The following TRIM32 variants were observed in gnomAD, a reference collection of about 807,000 sequenced individuals.
TRIM32 encodes tripartite motif containing 32.
TRIM32 carries 19 observed loss-of-function variants against 36.0 expected under a neutral mutation model. That is an observed-to-expected ratio of 0.53 (90% confidence interval 0.37 to 0.77). TRIM32 has a LOEUF of 0.77. Ranked by LOEUF, TRIM32 falls within the 30% of genes least tolerant of loss-of-function variation. The probability of loss-of-function intolerance (pLI) is 0.00; values close to 1 mark genes in which losing one functional copy is unlikely to be tolerated. For missense variants in TRIM32, 747 were observed against 845.2 expected (o/e 0.88, Z 1.44); for synonymous variants, 309 against 318.5 (o/e 0.97, Z 0.32).
intron 1 of TRIM32, 24 bp from the exon 2 acceptor site, chr9:116,697,638 A>G: frequency 2.1e-6 from 3 of 1,427,002 alleles, no homozygotes; most frequent in Non-Finnish European, 2.9e-6. Flanking sequence ...AGGAAAATGA[A>G]TAATGGTTTC....
At position 116,689,485 on chromosome 9, in the gene TRIM32, C is replaced by T. The variant is rs575937203; in HGVS notation, c.-82+2104C>T. On this transcript the variant is annotated intron_variant, in intron 1 of 1. Transcript: ENST00000450136. Reference sequence around the variant, plus strand: ...CCTTCTAAGTAGGCTCTACTGTATTCAGTTTTACACATGAGGAAACTAAGG... The same window carrying T: ...CCTTCTAAGTAGGCTCTACTGTATTTAGTTTTACACATGAGGAAACTAAGG... Among the ~76,000 whole-genome samples, 8 of 152,246 alleles carry T rather than the reference C, an allele frequency of 5.3e-5. No homozygotes were observed. In the East Asian group the frequency reaches 1.5e-3, roughly 29 times the overall value.
chr9:116,697,075 T>G (rs909756166), intron 1 of TRIM32, among the ~76,000 whole-genome samples: 1 of 152,162 alleles, frequency 6.6e-6, no homozygotes, highest in Admixed American at 6.5e-5. Context: ...TTGGGAAGCC[T>G]TCCCCAAGTC....
chr9:116,699,677 C>CCAT lies in TRIM32; in HGVS notation c.1937_1939dup (p.His646dup). Reference sequence around the variant, plus strand: ...ATCATTGCATCAAGATCTACAGCTACCATCTGAGAAGATATTCCACCCCAT... The same window carrying CCAT: ...ATCATTGCATCAAGATCTACAGCTACCATCATCTGAGAAGATATTCCACCCCAT... On this transcript the variant is annotated inframe_insertion, in exon 2 of 2. Coordinates refer to ENST00000450136, the MANE Select transcript of TRIM32 (RefSeq NM_012210.4). This position sits in a 1 kb window ranked among gnomAD's most constrained non-coding sequence, Gnocchi z 4.2. The CCAT allele has an allele frequency of 6.2e-7, 1 of 1,614,164 alleles. No individual in the cohort carries two copies. Among genetic ancestry groups the CCAT allele is most frequent in the Non-Finnish European group, 8.5e-7 (1 of 1,180,038 alleles).
rs1564217757 is a variant in TRIM32 at position 116,699,154 on chromosome 9, A to G, written c.1412A>G (p.Lys471Arg). ...CVACHRSQLS[K>R]PWGITALPSG... ...GCCTGTCACAGGAGCCAGCTGAGCAAACCATGGGGTATCACAGCCTTGCCA... is the reference window on the plus strand; with the variant it reads ...GCCTGTCACAGGAGCCAGCTGAGCAGACCATGGGGTATCACAGCCTTGCCA... The change falls in exon 2 of 2, where the codon AAA (lysine) becomes AGA (arginine). Residue 471 changes from lysine (K) to arginine (R), a missense_variant. Transcript: ENST00000450136. This position sits in a 1 kb window ranked among gnomAD's most constrained non-coding sequence, Gnocchi z 4.2. 6.2e-7 allele frequency: 1 copy of G among 1,614,262 alleles called. No individual in the cohort carries two copies. The highest frequency in any genetic ancestry group is 2.2e-5 in the East Asian group (1 of 44,880).
At position 116,698,295 on chromosome 9, in the gene TRIM32, C is replaced by T; in HGVS notation, c.553C>T (p.Leu185Phe). ...CCTTCAGGCAAGGTATAAAGCAGTTCTCCAGGAGTATGGGCATGAGGAGCG... is the reference window on the plus strand; with the variant it reads ...CCTTCAGGCAAGGTATAAAGCAGTTTTCCAGGAGTATGGGCATGAGGAGCG... ...KDLQARYKAV[L>F]QEYGHEERRV... is the part of the protein sequence containing the mutation. Residue 185 changes from leucine to phenylalanine, a missense_variant, in exon 2 of 2, where the codon CTC becomes TTC. Leu to Phe is a conservative substitution (Grantham distance 22, BLOSUM62 0). Coordinates refer to ENST00000450136, the MANE Select transcript of TRIM32 (RefSeq NM_012210.4). The surrounding 1 kb of genome is among the most constrained non-coding windows in gnomAD (Gnocchi z 4.4). The T allele has an allele frequency of 1.2e-6, 2 of 1,614,156 alleles. No homozygotes were observed. The highest frequency in any genetic ancestry group is 1.7e-6 in the Non-Finnish European group (2 of 1,180,034).
Position 116,699,292 on chromosome 9 carries a change from A to G in TRIM32, c.1550A>G (p.Lys517Arg). The G allele has an allele frequency of 6.2e-7, 1 of 1,614,190 alleles. No individual in the cohort carries two copies. The change falls in exon 2 of 2, where the codon AAA (lysine) becomes AGA (arginine). Residue 517 changes from lysine to arginine, a missense_variant. Transcript: ENST00000450136. The surrounding 1 kb of genome is among the most constrained non-coding windows in gnomAD (Gnocchi z 4.2). Reference sequence around the variant, plus strand: ...TGCCTATGTAGTGCTGTGCGGCCCAAATTTGTCACCTGTGATGCTGAGGGC... The same window carrying G: ...TGCCTATGTAGTGCTGTGCGGCCCAGATTTGTCACCTGTGATGCTGAGGGC... ...YSCLCSAVRP[K>R]FVTCDAEGTV...
rs140589523 is a variant in TRIM32, at chr9:116,698,018, C to T, written c.276C>T (p.Ser92=). 592 of 1,614,062 alleles carry T rather than the reference C, an allele frequency of 3.7e-4. 1 individual carries two copies. The highest frequency in any genetic ancestry group is 1.1e-3 in the African/African-American group (80 of 75,050). Residue 92 remains serine (S), a synonymous_variant, in exon 2 of 2, where the codon AGC becomes AGT. Transcript: ENST00000450136. This position sits in a 1 kb window ranked among gnomAD's most constrained non-coding sequence, Gnocchi z 4.4. ...AGATCATTGATACAGCTGGGCTCAG[C>T]GAGGCTGTGGGGCTGCTCATGTGTC... The part of the protein sequence containing the change: ...VLKIIDTAGL[S]EAVGLLMCRS...
rs1052879389 is a variant in TRIM32 at position 116,696,963 on chromosome 9, A to G, written c.-81-699A>G. On this transcript the variant is annotated intron_variant, in intron 1 of 1. Coordinates refer to ENST00000450136, the MANE Select transcript of TRIM32 (RefSeq NM_012210.4). Reference sequence around the variant, plus strand: ...CTGTGACATGATTAAAAAAAAAAAAAAAAGCCTCCACACTTTTGCTTACAT... The same window carrying G: ...CTGTGACATGATTAAAAAAAAAAAAGAAAGCCTCCACACTTTTGCTTACAT... Among the ~76,000 whole-genome samples the G allele has an allele frequency of 4.6e-5, 7 of 151,760 alleles. No individual in the cohort carries two copies. The East Asian group carries it at 1.4e-3, about 29-fold the overall frequency.
chr9:116,687,395 A>T lies in TRIM32; in HGVS notation c.-82+14A>T. The T allele has an allele frequency of 5.9e-5, 8 of 135,210 alleles. No homozygotes were observed. The highest frequency in any genetic ancestry group is 1.0e-4 in the Non-Finnish European group (7 of 68,590). The allele number at this position is 135,210 out of a possible 1,614,324, so 8.4% of individuals were successfully genotyped here. On this transcript the variant is annotated intron_variant, in intron 1 of 1. Coordinates refer to ENST00000450136, the MANE Select transcript of TRIM32 (RefSeq NM_012210.4). ...GCGGGCGGTCAGGTAGGGGGCGGGA[A>T]GGAGGGTTGGGGACTGGGGACCGCG...
In TRIM32 at chr9:116,697,763, T is replaced by A; in HGVS notation, c.21T>A (p.Ser7=). 6.2e-7 allele frequency: 1 copy of A among 1,614,116 alleles called. No homozygotes were observed. Among genetic ancestry groups the A allele is most frequent in the Non-Finnish European group, 8.5e-7 (1 of 1,180,038 alleles). The part of the protein sequence containing the change: MAAAAA[S]HLNLDALREV... ...GAGCAATGGCTGCAGCAGCAGCTTC[T>A]CACCTGAACCTGGATGCCCTCCGGG... Residue 7 remains serine (S), a synonymous_variant, in exon 2 of 2, where the codon TCT becomes TCA. Coordinates refer to ENST00000450136, the MANE Select transcript of TRIM32 (RefSeq NM_012210.4).
chr9:116,694,390 T>C (rs914271446), intron 1 of TRIM32, among the ~76,000 whole-genome samples: 1 of 151,480 alleles, frequency 6.6e-6, no homozygotes, highest in African/African-American at 2.4e-5. Context: ...TCCCAGATGA[T>C]AGAAGAGAGA....
chr9:116,691,465 T>C (rs1646633364), intron 1 of TRIM32, among the ~76,000 whole-genome samples: 1 of 152,182 alleles, frequency 6.6e-6, no homozygotes, highest in Non-Finnish European at 1.5e-5. Context: ...GGCAAGCATG[T>C]TTTCCAGGAA....
rs768741902 is a variant in TRIM32, at chr9:116,699,510, A to G, written c.1768A>G (p.Ile590Val). The part of the protein sequence containing the change: ...GMCVDARGDL[I>V]VADSSRKEIL... ...GTGTGTGGATGCTCGTGGTGATCTC[A>G]TCGTGGCTGACAGTAGTCGCAAGGA... Residue 590 changes from isoleucine (I) to valine (V), a missense_variant, in exon 2 of 2, where the codon ATC (isoleucine) becomes GTC (valine). Transcript: ENST00000450136. This position sits in a 1 kb window ranked among gnomAD's most constrained non-coding sequence, Gnocchi z 4.2. 1.9e-6 allele frequency: 3 copies of G among 1,613,322 alleles called. No homozygotes were observed. Among genetic ancestry groups the G allele is most frequent in the Non-Finnish European group, 2.5e-6 (3 of 1,179,398 alleles).
rs1397327162 is a variant in TRIM32, at chr9:116,699,566, T to C, written c.1824T>C (p.Tyr608=). The part of the protein sequence containing the change: ...EILHFPKGGG[Y]SVLIREGLTC... Reference sequence around the variant, plus strand: ...TCCATTTTCCTAAGGGTGGGGGCTATAGTGTCCTTATTCGAGAGGGACTTA... The same window carrying C: ...TCCATTTTCCTAAGGGTGGGGGCTACAGTGTCCTTATTCGAGAGGGACTTA... The change falls in exon 2 of 2, where the codon TAT becomes TAC. Residue 608 remains tyrosine, a synonymous_variant. Transcript: ENST00000450136. The surrounding 1 kb of genome is among the most constrained non-coding windows in gnomAD (Gnocchi z 4.2). 5.0e-6 allele frequency: 8 copies of C among 1,614,214 alleles called. No individual in the cohort carries two copies. The South Asian group carries it at 7.7e-5, about 16-fold the overall frequency.
intron 1 of TRIM32, among the ~76,000 whole-genome samples, chr9:116,689,037 C>T (rs895254814): frequency 1.3e-5 from 2 of 152,074 alleles, no homozygotes; most frequent in African/African-American, 4.8e-5. Flanking sequence ...CTACTGGCCT[C>T]AAGTGGGTAG....
At chr9:116,694,486 G>C (rs907359785) in intron 1 of TRIM32, among the ~76,000 whole-genome samples, 1 of 116,632 alleles carries the variant, frequency 8.6e-6, no homozygotes, top group Non-Finnish European at 1.7e-5. Flanking sequence ...TTTTGAGATG[G>C]AGTCTCGCTC....
At position 116,699,946 on chromosome 9, in the gene TRIM32, T is replaced by TGAA; in HGVS notation, c.*244_*246dup. 2 of 607,700 alleles carry TGAA rather than the reference T, an allele frequency of 3.3e-6. No homozygotes were observed. Among genetic ancestry groups the TGAA allele is most frequent in the Non-Finnish European group, 5.9e-6 (2 of 341,800 alleles). 37.6% of individuals were successfully genotyped at this position (607,700 alleles called of 1,614,324 possible). On this transcript the variant is annotated 3_prime_UTR_variant, in exon 2 of 2. Transcript: ENST00000450136. This position sits in a 1 kb window ranked among gnomAD's most constrained non-coding sequence, Gnocchi z 4.2. ...AAATAGGACACACGATGGTGTTAGC[T>TGAA]GAAGTTTGATTAGCAATTAGGCACT...
At position 116,699,451 on chromosome 9, in the gene TRIM32, C is replaced by T. The variant is rs746590049; in HGVS notation, c.1709C>T (p.Ser570Leu). ...QLGRQISHFF[S>L]ENEDFRCIAG... ...GGTCGCCAGATTAGCCACTTCTTCT[C>T]GGAGAATGAGGATTTCCGCTGCATT... The change falls in exon 2 of 2, where the codon TCG becomes TTG. Residue 570 changes from serine to leucine, a missense_variant. Ser to Leu is a moderately radical substitution (Grantham distance 145). Transcript: ENST00000450136. This position sits in a 1 kb window ranked among gnomAD's most constrained non-coding sequence, Gnocchi z 4.2. 8.7e-6 allele frequency: 14 copies of T among 1,614,058 alleles called. No homozygotes were observed. Among genetic ancestry groups the T allele is most frequent in the African/African-American group, 1.3e-5 (1 of 74,914 alleles).
chr9:116,699,181 C>T lies in TRIM32; in HGVS notation c.1439C>T (p.Ser480Phe). 2 of 1,614,250 alleles carry T rather than the reference C, an allele frequency of 1.2e-6. No individual in the cohort carries two copies. The highest frequency in any genetic ancestry group is 8.5e-7 in the Non-Finnish European group (1 of 1,180,046). Reference sequence around the variant, plus strand: ...CCATGGGGTATCACAGCCTTGCCATCTGGCCAGTTTGTAGTAACCGATGTG... The same window carrying T: ...CCATGGGGTATCACAGCCTTGCCATTTGGCCAGTTTGTAGTAACCGATGTG... ...SKPWGITALPSGQFVVTDVEG... is the reference protein window; with the variant it reads ...SKPWGITALPFGQFVVTDVEG... The change falls in exon 2 of 2, where the codon TCT (serine) becomes TTT (phenylalanine). Residue 480 changes from serine to phenylalanine, a missense_variant. Coordinates refer to ENST00000450136, the MANE Select transcript of TRIM32 (RefSeq NM_012210.4). The surrounding 1 kb of genome is among the most constrained non-coding windows in gnomAD (Gnocchi z 4.2).
Sources: gnomAD v4.1 joint callset for allele counts (sites outside exome capture counted in the v4.1 genomes callset) on GRCh38, gnomAD v4.1.1 for gene constraint, Gnocchi (gnomAD v3.1) non-coding constraint, MANE v1.5 for transcripts, NCBI Gene and HGNC (gene_info 2026-07-23, HGNC 2026-07-21) for gene names.